Variants in ALDH1L1 observed in about 807,000 individuals in gnomAD.
The protein encoded by ALDH1L1 is cytosolic 10-formyltetrahydrofolate dehydrogenase.
In ALDH1L1, 68 loss-of-function variants were observed where a neutral mutation model predicts 101.1. The ratio of observed to expected loss-of-function variants is 0.67; its 90% confidence interval spans 0.55 to 0.82. The LOEUF (loss-of-function observed/expected upper bound fraction) is 0.82, where lower values mean the gene tolerates loss of function less well. ALDH1L1 is among the 40% of genes least tolerant of loss of function. The pLI, the probability that ALDH1L1 is intolerant of heterozygous loss-of-function variation, is 0.00. For missense variants in ALDH1L1, 1,087 were observed against 1,172.7 expected (o/e 0.93, Z 1.07); for synonymous variants, 486 against 470.8 (o/e 1.03, Z -0.42).
intron 20 of ALDH1L1, 105 bp from the exon 21 acceptor site, chr3:126,107,351 C>T (rs531551532): frequency 1.1e-5 from 10 of 886,460 alleles, no homozygotes; most frequent in African/African-American, 3.3e-5. Flanking sequence ...GCGGATGACC[C>T]GACATAAGCA....
chr3:126,109,632 G>A (rs774898804), intron 20 of ALDH1L1, among the ~76,000 whole-genome samples: 3 of 152,194 alleles, frequency 2.0e-5, no homozygotes, highest in Non-Finnish European at 4.4e-5. Flanking sequence ...TGAAATAGAG[G>A]AAAAATAATA....
At chr3:126,152,438 T>A (rs1248425224) in intron 7 of ALDH1L1, 2 of 152,210 alleles carry the variant, frequency 1.3e-5, no homozygotes, top group Non-Finnish European at 2.9e-5. Flanking sequence ...CAACTGCATA[T>A]ATCAATCTTG....
intron 1 of ALDH1L1, among the ~76,000 whole-genome samples, chr3:126,175,725 C>T (rs1203801160): frequency 6.6e-6 from 1 of 152,138 alleles, no homozygotes; most frequent in African/African-American, 2.4e-5. Context: ...GAAAAACCTA[C>T]AGCTAACATC....
At chr3:126,160,017 C>T (rs2081008591) in intron 2 of ALDH1L1, among the ~76,000 whole-genome samples, 1 of 152,184 alleles carries the variant, frequency 6.6e-6, no homozygotes, top group Admixed American at 6.5e-5. Context: ...CTGAGAAGGA[C>T]CAGTCAGTGT....
rs1461945144 is a variant in ALDH1L1 at position 126,157,516 on chromosome 3, G to A, written c.363-8C>T. On this transcript the variant is annotated splice_polypyrimidine_tract_variant and splice_region_variant and intron_variant, in intron 3 of 22. Transcript: ENST00000393434. Reference sequence around the variant, plus strand: ...TCTCCGTGAATGAGGGTCCTAGGAAGCAGAAGAGTGAAACCTGGAGTCCAC... The same window carrying A: ...TCTCCGTGAATGAGGGTCCTAGGAAACAGAAGAGTGAAACCTGGAGTCCAC... 1 of 1,612,380 alleles carries A rather than the reference G, an allele frequency of 6.2e-7. No homozygotes were observed. The highest frequency in any genetic ancestry group is 8.5e-7 in the Non-Finnish European group (1 of 1,179,142).
chr3:126,160,787 G>A, intron 2 of ALDH1L1, 66 bp downstream of exon 2: 1 of 1,582,060 alleles, frequency 6.3e-7, no homozygotes, highest in Non-Finnish European at 8.6e-7. Flanking sequence ...CCCACCTACT[G>A]CTTCCCTTCT....
chr3:126,150,326 T>C (rs2080783147), intron 8 of ALDH1L1, 80 bp downstream of exon 8: 1 of 1,512,636 alleles, frequency 6.6e-7, no homozygotes, highest in Non-Finnish European at 8.9e-7. Context: ...GCTGCCCAAC[T>C]CTGGGGAGTG....
intron 1 of ALDH1L1, 133 bp from the exon 2 acceptor site, chr3:126,161,135 G>GTCTCCCCTCAGTGGCCT: frequency 2.0e-6 from 2 of 995,362 alleles, no homozygotes; most frequent in Non-Finnish European, 2.9e-6. Flanking sequence ...GTGGGTGGCA[G>GTCTCCCCTCAGTGGCCT]GCCACTGAGG....
chr3:126,191,127 C>T (rs1559986897), intron 1 of ALDH1L1, among the ~76,000 whole-genome samples: 1 of 152,198 alleles, frequency 6.6e-6, no homozygotes, highest in Non-Finnish European at 1.5e-5. Context: ...ACCACACTCA[C>T]ACTGTAATCA....
intron 15 of ALDH1L1, 67 bp downstream of exon 15, chr3:126,125,549 C>T: frequency 7.7e-7 from 1 of 1,297,824 alleles, no homozygotes; most frequent in Non-Finnish European, 1.0e-6. Context: ...CCCTTCCTCC[C>T]TTATAGAGTG....
chr3:126,138,596 T>C (rs2080502918), intron 9 of ALDH1L1, among the ~76,000 whole-genome samples: 2 of 152,208 alleles, frequency 1.3e-5, no homozygotes, highest in Non-Finnish European at 2.9e-5. Context: ...TTCATATTTA[T>C]TAGAATGTCT....
chr3:126,154,408 T>A (rs2080865281), intron 6 of ALDH1L1, 146 bp downstream of exon 6: 2 of 780,694 alleles, frequency 2.6e-6, no homozygotes, highest in Non-Finnish European at 4.2e-6. Context: ...GGGGAAAGGC[T>A]GGGATGTTTA....
rs566286693 is a variant in ALDH1L1 at position 126,148,421 on chromosome 3, A to G, written c.985-1495T>C. On this transcript the variant is annotated intron_variant, in intron 8 of 22. Coordinates refer to ENST00000393434, the MANE Select transcript of ALDH1L1 (RefSeq NM_012190.4). ...TCTTGGAGCGTTCTCCTGAACAGCC[A>G]CAGGCCAGGCCCCTCCACCAACACC... 9.7e-4 allele frequency among the ~76,000 whole-genome samples: 147 copies of G among 152,316 alleles called. 1 individual carries two copies. Among genetic ancestry groups the G allele is most frequent in the Non-Finnish European group, 2.2e-4 (15 of 68,014 alleles).
At chr3:126,111,814 C>T (rs747409240) in intron 19 of ALDH1L1, among the ~76,000 whole-genome samples, 1 of 152,262 alleles carries the variant, frequency 6.6e-6, no homozygotes, top group African/African-American at 2.4e-5. Context: ...AGATGCTGCT[C>T]TCCACAACCT....
chr3:126,116,452 C>A (rs1287521029), intron 17 of ALDH1L1, among the ~76,000 whole-genome samples: 2 of 152,092 alleles, frequency 1.3e-5, no homozygotes, highest in Non-Finnish European at 2.9e-5. Flanking sequence ...TGAGGCAGAT[C>A]AACATATCTT....
At chr3:126,167,355 A>C (rs1006423481) in intron 1 of ALDH1L1, among the ~76,000 whole-genome samples, 6 of 152,272 alleles carry the variant, frequency 3.9e-5, no homozygotes, top group African/African-American at 1.4e-4. Flanking sequence ...TATAGACCTA[A>C]CTTTCTGTGT....
In ALDH1L1 at chr3:126,112,788, C is replaced by A. The variant is rs1559917355; in HGVS notation, c.2175G>T (p.Arg725=). The A allele has an allele frequency of 6.2e-7, 1 of 1,613,174 alleles. No individual in the cohort carries two copies. Among genetic ancestry groups the A allele is most frequent in the Non-Finnish European group, 8.5e-7 (1 of 1,179,988 alleles). ...ACCCTGGGGCAGGACTTACCACTCT[C>A]CGCACGAACTCATCATGAATGGAGT... ...VEDSIHDEFV[R]RVVEEVRKMK... Residue 725 remains arginine (R), a synonymous_variant, in exon 19 of 23, where the codon CGG becomes CGT. Coordinates refer to ENST00000393434, the MANE Select transcript of ALDH1L1 (RefSeq NM_012190.4).
chr3:126,189,530 G>C (rs373743140), intron 1 of ALDH1L1, among the ~76,000 whole-genome samples: 15 of 152,182 alleles, frequency 9.9e-5, no homozygotes, highest in Admixed American at 7.2e-4. Flanking sequence ...CTGCAGTGTG[G>C]GTAGTGAGAA....
chr3:126,111,486 C>T (rs879385047), intron 19 of ALDH1L1, among the ~76,000 whole-genome samples: 15 of 152,252 alleles, frequency 9.9e-5, no homozygotes, highest in Non-Finnish European at 1.8e-4. Flanking sequence ...CCCCAACAAA[C>T]CCCAGCCTAG....
Sources: allele counts gnomAD v4.1 joint callset (sites outside exome capture counted in the v4.1 genomes callset), GRCh38; gene constraint gnomAD v4.1.1; transcripts MANE v1.5; gene names NCBI Gene and HGNC (gene_info 2026-07-23, HGNC 2026-07-21).